Variants in MBNL1 observed in about 807,000 individuals in gnomAD.
The protein encoded by MBNL1 is muscleblind like splicing regulator 1.
Under a neutral mutation model 42.2 loss-of-function variants are expected in MBNL1, and 8 were observed. The observed-to-expected ratio is 0.19, with a 90% CI of 0.11 to 0.34. MBNL1 has a LOEUF of 0.34. MBNL1 is among the 10% of genes least tolerant of loss of function. The pLI is 1.00. For missense variants in MBNL1, 309 were observed against 495.3 expected, an observed-to-expected ratio of 0.62 and a Z score of 3.57; for synonymous variants, 169 against 173.9, an observed-to-expected ratio of 0.97 and a Z score of 0.22.
chr3:152,449,507 A>G (rs1347383578), intron 6 of MBNL1: 1 of 152,224 alleles, frequency 6.6e-6, no homozygotes, highest in Non-Finnish European at 1.5e-5. Flanking sequence ...TCAAATGACT[A>G]TAGTTTTTTT....
intron 2 of MBNL1, among the ~76,000 whole-genome samples, chr3:152,367,340 C>T (rs945509346): frequency 6.6e-6 from 1 of 152,134 alleles, no homozygotes; most frequent in African/African-American, 2.4e-5. Context: ...ATCCATGTCC[C>T]TGCAAAGGAT....
At chr3:152,271,286 G>C (rs1414582557) in intron 1 of MBNL1, among the ~76,000 whole-genome samples, 1 of 151,674 alleles carries the variant, frequency 6.6e-6, no homozygotes, top group Non-Finnish European at 1.5e-5. Flanking sequence ...TTTTGTTCCA[G>C]AACAAGAACA....
exon 1 of MBNL1, chr3:152,243,979 A>G: frequency 6.6e-6 from 1 of 152,176 alleles, no homozygotes; most frequent in Non-Finnish European, 1.5e-5. Flanking sequence ...TAACTTTTGT[A>G]TTTTTAGTAG....
intron 2 of MBNL1, among the ~76,000 whole-genome samples, chr3:152,323,447 G>A (rs1007337036): frequency 2.6e-5 from 4 of 151,838 alleles, no homozygotes; most frequent in African/African-American, 9.7e-5. Flanking sequence ...AAATATATAT[G>A]TACACACACG....
intron 2 of MBNL1, among the ~76,000 whole-genome samples, chr3:152,372,967 C>CT (rs2096736977): frequency 6.6e-6 from 1 of 152,250 alleles, no homozygotes; most frequent in African/African-American, 2.4e-5. Flanking sequence ...CTGACTGGGG[C>CT]TGCTGCCTTT....
At chr3:152,254,771 C>T (rs1310084284) in intron 2 of MBNL1, among the ~76,000 whole-genome samples, 6 of 152,146 alleles carry the variant, frequency 3.9e-5, no homozygotes, top group South Asian at 2.1e-4. Flanking sequence ...TCTGCTATTT[C>T]GTGTTAAACT....
In MBNL1 at chr3:152,300,095, A is replaced by G. The variant is rs1371206413; in HGVS notation, c.-99A>G. ...AAAAGTATTTTGAGGGGACATTTTC[A>G]TCATCAGTTCAGCTTTTTTTTTTTG... On this transcript the variant is annotated 5_prime_UTR_variant, in exon 2 of 10. Transcript: ENST00000324210. 5.7e-6 allele frequency: 4 copies of G among 697,650 alleles called. No individual in the cohort carries two copies. Among genetic ancestry groups the G allele is most frequent in the African/African-American group, 3.7e-5 (2 of 53,814 alleles). The allele number at this position is 697,650 out of a possible 1,614,324, so 43.2% of individuals were successfully genotyped here.
At chr3:152,355,938 A>G (rs939888453) in intron 2 of MBNL1, among the ~76,000 whole-genome samples, 4 of 152,202 alleles carry the variant, frequency 2.6e-5, no homozygotes, top group African/African-American at 9.6e-5. Flanking sequence ...GTCAGTAAAC[A>G]GCCATCGTAG....
chr3:152,456,794 A>G (rs1319887098), intron 8 of MBNL1, among the ~76,000 whole-genome samples: 1 of 152,358 alleles, frequency 6.6e-6, no homozygotes, highest in South Asian at 2.1e-4. Flanking sequence ...TGTATTACGT[A>G]TGCCACAAAT....
At chr3:152,310,117 G>T (rs1326768941) in intron 2 of MBNL1, among the ~76,000 whole-genome samples, 1 of 152,150 alleles carries the variant, frequency 6.6e-6, no homozygotes, top group Non-Finnish European at 1.5e-5. Context: ...TTTAGCTGTG[G>T]TTATGTGTGC....
chr3:152,300,177 A>C lies in MBNL1; in HGVS notation c.-17A>C, dbSNP rs750463887. ...GTTGGTTTCACTGAAACATTTAACTACCTGTAAAATCTAAACATGGCTGTT... is the reference window on the plus strand; with the variant it reads ...GTTGGTTTCACTGAAACATTTAACTCCCTGTAAAATCTAAACATGGCTGTT... On this transcript the variant is annotated 5_prime_UTR_variant, in exon 2 of 10. Coordinates refer to ENST00000324210, the MANE Select transcript of MBNL1 (RefSeq NM_021038.5). 4.0e-5 allele frequency: 61 copies of C among 1,538,710 alleles called. No individual in the cohort carries two copies. In the Admixed American group the frequency reaches 1.1e-3, roughly 28 times the overall value.
chr3:152,362,491 A>G (rs1309983496), intron 2 of MBNL1, among the ~76,000 whole-genome samples: 1 of 152,204 alleles, frequency 6.6e-6, no homozygotes, highest in Non-Finnish European at 1.5e-5. Flanking sequence ...AAAAGAGCTT[A>G]TTAGTTTGAT....
intron 2 of MBNL1, among the ~76,000 whole-genome samples, chr3:152,330,283 GTACT>G (rs1450607564): frequency 2.6e-5 from 4 of 152,104 alleles, no homozygotes; most frequent in Non-Finnish European, 2.9e-5. Flanking sequence ...CAGCTAAAAT[GTACT>G]TTAAATAAAG....
At chr3:152,421,724 C>A (rs76342904) in intron 3 of MBNL1, among the ~76,000 whole-genome samples, 7,840 of 152,230 alleles carry the variant, frequency 0.052, 291 homozygotes, top group Admixed American at 0.089. Context: ...AAGGGACTAA[C>A]AGCAGATTTC....
chr3:152,384,293 T>A (rs1426562179), intron 2 of MBNL1, among the ~76,000 whole-genome samples: 4 of 152,122 alleles, frequency 2.6e-5, no homozygotes, highest in African/African-American at 9.6e-5. Flanking sequence ...TTATCCATGT[T>A]ATCAGGGCAT....
intron 3 of MBNL1, among the ~76,000 whole-genome samples, chr3:152,425,911 A>G (rs765546487): frequency 8.5e-5 from 13 of 152,240 alleles, no homozygotes; most frequent in Non-Finnish European, 1.8e-4. Flanking sequence ...TGTTTATTGC[A>G]GCACAATTCA....
chr3:152,318,724 G>C (rs571668000), intron 2 of MBNL1, among the ~76,000 whole-genome samples: 1 of 152,070 alleles, frequency 6.6e-6, no homozygotes, highest in Non-Finnish European at 1.5e-5. Flanking sequence ...TTACTACATA[G>C]ATCTTTGAAA....
chr3:152,314,532 C>T (rs549022996), intron 2 of MBNL1, among the ~76,000 whole-genome samples: 33 of 152,112 alleles, frequency 2.2e-4, no homozygotes, highest in African/African-American at 2.7e-4. Flanking sequence ...TGTGCTACCA[C>T]GCCCGGCTAA....
At chr3:152,375,819 C>CA (rs398052367) in intron 2 of MBNL1, among the ~76,000 whole-genome samples, 2,143 of 126,426 alleles carry the variant, frequency 0.017, 27 homozygotes, top group Middle Eastern at 0.028. Context: ...GACCTTGTCT[C>CA]AAAAAAAAAA....
Sources: allele counts gnomAD v4.1 joint callset (sites outside exome capture counted in the v4.1 genomes callset), GRCh38; gene constraint gnomAD v4.1.1; transcripts MANE v1.5; gene names NCBI Gene and HGNC (gene_info 2026-07-23, HGNC 2026-07-21).